The following VPS45 variants were observed in gnomAD, a reference collection of about 807,000 sequenced individuals.
VPS45 encodes the protein vacuolar protein sorting 45 homolog, also known as vacuolar protein sorting-associated protein 45.
A neutral mutation model predicts 75.9 loss-of-function variants in VPS45; 35 were observed. The observed-to-expected ratio is 0.46, with a 90% CI of 0.35 to 0.61. VPS45 has a LOEUF of 0.61. Ranked by LOEUF, VPS45 falls within the 20% of genes least tolerant of loss-of-function variation. The pLI, the probability that VPS45 is intolerant of heterozygous loss-of-function variation, is 0.00. For missense variants in VPS45, 559 were observed against 685.9 expected (o/e 0.81, Z 2.07); for synonymous variants, 220 against 238.2 (o/e 0.92, Z 0.70).
At chr1:150,139,011 C>T (rs1158518572) in intron 14 of VPS45, among the ~76,000 whole-genome samples, 1 of 152,052 alleles carries the variant, frequency 6.6e-6, no homozygotes, top group Admixed American at 6.6e-5. Flanking sequence ...GAATCTAATG[C>T]CCTTTCACCA....
At chr1:150,070,098 C>T (rs1654967604) in intron 2 of VPS45, among the ~76,000 whole-genome samples, 1 of 152,090 alleles carries the variant, frequency 6.6e-6, no homozygotes, top group Non-Finnish European at 1.5e-5. Flanking sequence ...AACTTAACTT[C>T]TTCAAGTAAC....
intron 14 of VPS45, among the ~76,000 whole-genome samples, chr1:150,136,378 A>AC (rs1412133510): frequency 1.3e-5 from 2 of 151,834 alleles, no homozygotes; most frequent in Non-Finnish European, 2.9e-5. Flanking sequence ...ACATGGTGAA[A>AC]CCCCGTCTCT....
intron 10 of VPS45, among the ~76,000 whole-genome samples, chr1:150,084,626 A>G (rs1159391477): frequency 2.6e-5 from 4 of 152,094 alleles, no homozygotes; most frequent in Admixed American, 6.5e-5. Flanking sequence ...ATAGGGCCCT[A>G]TATTCTAAAG....
At position 150,100,078 on chromosome 1, in the gene VPS45, A is replaced by G. The variant is rs587686428; in HGVS notation, c.1493+6430A>G. Among the ~76,000 whole-genome samples, 66 of 152,342 alleles carry G rather than the reference A, an allele frequency of 4.3e-4. 1 individual carries two copies. The South Asian group carries it at 0.013, about 30-fold the overall frequency. The stretch of plus-strand genomic sequence containing the variant: ...TTTTAGACGACATGATTCTATATCT[A>G]GAAAACCCCATAGTCTCAGCTCAAA... On this transcript the variant is annotated intron_variant, in intron 13 of 14. Transcript: ENST00000644510.
At chr1:150,142,778 C>A in intron 14 of VPS45, 1 of 422,220 alleles carries the variant, frequency 2.4e-6, no homozygotes, top group Non-Finnish European at 4.8e-6. Flanking sequence ...AATTCTTCTG[C>A]CTTAGCCTCC....
At chr1:150,136,515 A>G (rs1386513659) in intron 14 of VPS45, among the ~76,000 whole-genome samples, 3 of 152,162 alleles carry the variant, frequency 2.0e-5, no homozygotes, top group Non-Finnish European at 4.4e-5. Context: ...AGATCGCACC[A>G]CTGCACTCCA....
chr1:150,143,023 A>G (rs1659479384), intron 14 of VPS45: 2 of 313,224 alleles, frequency 6.4e-6, no homozygotes, highest in Non-Finnish European at 1.3e-5. Flanking sequence ...TTTACTCAGC[A>G]TAACTTTATT....
At chr1:150,078,239 A>G (rs1553798573) in intron 7 of VPS45, among the ~76,000 whole-genome samples, 2 of 152,160 alleles carry the variant, frequency 1.3e-5, no homozygotes, top group Non-Finnish European at 2.9e-5. Context: ...AAAAAACTTC[A>G]TTGGTTCCCA....
At chr1:150,097,093 T>TC (rs1656699224) in intron 13 of VPS45, among the ~76,000 whole-genome samples, 1 of 150,142 alleles carries the variant, frequency 6.7e-6, no homozygotes, top group Non-Finnish European at 1.5e-5. Flanking sequence ...TTTCTTTCTT[T>TC]TTTTTTTTTT....
At chr1:150,075,816 C>G (rs1655341283) in intron 3 of VPS45, among the ~76,000 whole-genome samples, 1 of 152,116 alleles carries the variant, frequency 6.6e-6, no homozygotes, top group Non-Finnish European at 1.5e-5. Context: ...GTGGCCTGAT[C>G]TGGGCTCACT....
intron 14 of VPS45, among the ~76,000 whole-genome samples, chr1:150,124,771 C>G (rs1221571940): frequency 1.3e-5 from 2 of 149,262 alleles, no homozygotes; most frequent in Non-Finnish European, 3.0e-5. Flanking sequence ...GTTGGCCAGG[C>G]TGGTTTTGAA....
At chr1:150,142,474 C>A (rs1659442723) in intron 14 of VPS45, among the ~76,000 whole-genome samples, 1 of 152,186 alleles carries the variant, frequency 6.6e-6, no homozygotes, top group South Asian at 2.1e-4. Context: ...TACTCCTTTC[C>A]CTCTACTTTG....
intron 14 of VPS45, among the ~76,000 whole-genome samples, 182 bp from the exon 15 acceptor site, chr1:150,144,527 C>T (rs1276343659): frequency 2.6e-5 from 4 of 152,004 alleles, no homozygotes; most frequent in Non-Finnish European, 5.9e-5. Flanking sequence ...GAAGGACTGT[C>T]CTTGCAGTAT....
At chr1:150,076,206 G>A (rs781932773) in intron 3 of VPS45, 27 bp from the exon 4 acceptor site, 1 of 1,583,180 alleles carries the variant, frequency 6.3e-7, no homozygotes, top group Non-Finnish European at 8.6e-7. Context: ...TATCTCCTTT[G>A]AGTCAACCCC....
At chr1:150,102,307 C>T (rs13374103) in intron 13 of VPS45, among the ~76,000 whole-genome samples, 6,378 of 148,788 alleles carry the variant, frequency 0.043, 449 homozygotes, top group African/African-American at 0.15. Context: ...CCCAGCACTT[C>T]GGGAGGCCGA....
At chr1:150,142,840 A>G (rs1553815617) in intron 14 of VPS45, 1 of 450,680 alleles carries the variant, frequency 2.2e-6, no homozygotes. Flanking sequence ...TTTTATAGAG[A>G]TGGGGTTTCA....
intron 14 of VPS45, among the ~76,000 whole-genome samples, chr1:150,143,192 G>A (rs1659489233): frequency 6.6e-6 from 1 of 152,154 alleles, no homozygotes; most frequent in African/African-American, 2.4e-5. Flanking sequence ...GGGTCTGGAA[G>A]GGCTTTACAG....
At chr1:150,129,940 C>T (rs782461011) in intron 14 of VPS45, among the ~76,000 whole-genome samples, 5 of 151,098 alleles carry the variant, frequency 3.3e-5, no homozygotes, top group Non-Finnish European at 7.4e-5. Context: ...TAACCTCAAA[C>T]TCTTGGGCTC....
At chr1:150,076,798 C>T in intron 4 of VPS45, 118 bp from the exon 5 acceptor site, 1 of 1,039,770 alleles carries the variant, frequency 9.6e-7, no homozygotes, top group South Asian at 1.5e-5. Context: ...AATTTAGTAT[C>T]TCTTTACACC....
Sources: gnomAD v4.1 joint callset for allele counts (sites outside exome capture counted in the v4.1 genomes callset) on GRCh38, gnomAD v4.1.1 for gene constraint, MANE v1.5 for transcripts, NCBI Gene and HGNC (gene_info 2026-07-23, HGNC 2026-07-21) for gene names.